Variants in C1orf167 observed in about 807,000 individuals in gnomAD.
The protein encoded by C1orf167 is uncharacterized protein C1orf167.
C1orf167 carries 153 observed loss-of-function variants against 176.5 expected under a neutral mutation model. The ratio of observed to expected loss-of-function variants is 0.87; its 90% CI spans 0.76 to 0.99. The LOEUF is 0.99. Among genes scored for constraint, C1orf167 ranks in the 50% least tolerant of loss-of-function variants. The probability of loss-of-function intolerance (pLI) is 0.00; values close to 1 mark genes in which losing one functional copy is unlikely to be tolerated. For missense variants in C1orf167, 1,490 were observed against 1,817.7 expected, an observed-to-expected ratio of 0.82 and a Z score of 3.28; for synonymous variants, 594 against 752.7, an observed-to-expected ratio of 0.79 and a Z score of 3.45.
At chr1:11,767,897 C>T (rs547880521) in intron 4 of C1orf167, among the ~76,000 whole-genome samples, 180 bp from the exon 5 acceptor site, 1 of 152,238 alleles carries the variant, frequency 6.6e-6, no homozygotes, top group Non-Finnish European at 1.5e-5. Context: ...TGTGGGGTTT[C>T]CAAGTCCAGC....
intron 13 of C1orf167, among the ~76,000 whole-genome samples, chr1:11,780,788 A>T (rs1298936842): frequency 6.6e-6 from 1 of 152,116 alleles, no homozygotes; most frequent in African/African-American, 2.4e-5. Flanking sequence ...CTCAGCGGGC[A>T]GAGCAGTGGC....
chr1:11,768,198 T>C lies in C1orf167; in HGVS notation c.1465T>C (p.Leu489=), dbSNP rs2100262328. 1 of 1,289,744 alleles carries C rather than the reference T, an allele frequency of 7.8e-7. No individual in the cohort carries two copies. Among genetic ancestry groups the C allele is most frequent in the South Asian group, 1.2e-5 (1 of 81,030 alleles). 79.9% of individuals were successfully genotyped at this position (1,289,744 alleles called of 1,614,324 possible). The part of the protein sequence containing the change: ...WQLLRKCLQA[L]WLREAQLEAA... ...GCTGTTGCGAAAGTGCCTTCAGGCC[T>C]TGTGGCTCCGGGAGGCTCAGCTGGA... Residue 489 remains leucine (L), a synonymous_variant, in exon 5 of 21, where the codon TTG becomes CTG. Coordinates refer to ENST00000688073, the MANE Select transcript of C1orf167 (RefSeq NM_001010881.2). This position sits in a 1 kb window ranked among gnomAD's most constrained non-coding sequence, Gnocchi z 4.5.
At position 11,782,336 on chromosome 1, in the gene C1orf167, G is replaced by A; in HGVS notation, c.3005+3G>A. 1 of 1,245,132 alleles carries A rather than the reference G, an allele frequency of 8.0e-7. No individual in the cohort carries two copies. The highest frequency in any genetic ancestry group is 1.4e-5 in the South Asian group (1 of 72,130). 77.1% of individuals were successfully genotyped at this position (1,245,132 alleles called of 1,614,324 possible). On this transcript the variant is annotated splice_donor_region_variant and intron_variant, in intron 14 of 20. Transcript: ENST00000688073. Reference sequence around the variant, plus strand: ...CCAGAGCAGCTGCTACTGCAGAGGTGGGTGGGCCTGGGGGTGGGAGGGTGT... The same window carrying A: ...CCAGAGCAGCTGCTACTGCAGAGGTAGGTGGGCCTGGGGGTGGGAGGGTGT...
chr1:11,779,684 GAA>G, intron 12 of C1orf167, 116 bp from the exon 13 acceptor site: 1 of 774,724 alleles, frequency 1.3e-6, no homozygotes, highest in Non-Finnish European at 1.8e-6. Flanking sequence ...AATGGAAACA[GAA>G]GAGTCACCCA....
chr1:11,788,100 C>CT, intron 18 of C1orf167, 49 bp from the exon 19 acceptor site: 1 of 1,277,838 alleles, frequency 7.8e-7, no homozygotes, highest in Admixed American at 2.4e-5. Flanking sequence ...GGGGCAAGGG[C>CT]TGAGGGGCTT....
At chr1:11,781,093 G>A (rs1643580724) in intron 13 of C1orf167, among the ~76,000 whole-genome samples, 2 of 141,932 alleles carry the variant, frequency 1.4e-5, no homozygotes, top group East Asian at 2.2e-4. Context: ...CACCCCCTGG[G>A]TTCAAGCAAT....
intron 12 of C1orf167, 198 bp from the exon 13 acceptor site, chr1:11,779,604 C>T (rs1643495898): frequency 2.9e-6 from 1 of 345,928 alleles, no homozygotes; most frequent in African/African-American, 2.1e-5. Context: ...CACCCTATCC[C>T]CACCACTCAT....
At chr1:11,785,121 G>A in intron 15 of C1orf167, 27 bp from the exon 16 acceptor site, 2 of 1,275,388 alleles carry the variant, frequency 1.6e-6, no homozygotes, top group Non-Finnish European at 2.0e-6. Context: ...TTATGGCCCT[G>A]GCTGCAGACT....
At chr1:11,776,667 G>T in intron 10 of C1orf167, 29 bp downstream of exon 10, 2 of 1,193,940 alleles carry the variant, frequency 1.7e-6, no homozygotes, top group Non-Finnish European at 2.1e-6. Flanking sequence ...GTGACCTGGG[G>T]TTGGGCCTGG....
chr1:11,770,232 A>G (rs1642987647), intron 6 of C1orf167, among the ~76,000 whole-genome samples: 1 of 151,800 alleles, frequency 6.6e-6, no homozygotes, highest in African/African-American at 2.4e-5. Flanking sequence ...CACATGGTGC[A>G]TAGAAAAAGG....
intron 13 of C1orf167, among the ~76,000 whole-genome samples, chr1:11,780,569 G>T (rs1313846481): frequency 6.6e-6 from 1 of 152,214 alleles, no homozygotes; most frequent in South Asian, 2.1e-4. Context: ...AAACAACCTA[G>T]TTAACCTCCC....
At chr1:11,783,847 T>TTTTTG (rs1643703783) in intron 14 of C1orf167, among the ~76,000 whole-genome samples, 1 of 150,948 alleles carries the variant, frequency 6.6e-6, no homozygotes, top group Non-Finnish European at 1.5e-5. Context: ...CATGCATCTG[T>TTTTTG]TTTTGTTTTG....
At position 11,785,193 on chromosome 1, in the gene C1orf167, G is replaced by A; in HGVS notation, c.3471G>A (p.Gln1157=). The change falls in exon 16 of 21, where the codon CAG becomes CAA. Residue 1157 remains glutamine, a synonymous_variant. Coordinates refer to ENST00000688073, the MANE Select transcript of C1orf167 (RefSeq NM_001010881.2). ...SVQSAVRGGV[Q]RAILTQLRPA... is the part of the protein sequence containing the mutation. ...AGTCGGCGGTGCGCGGCGGTGTCCAGCGAGCCATCCTCACCCAGCTCCGGC... is the reference window on the plus strand; with the variant it reads ...AGTCGGCGGTGCGCGGCGGTGTCCAACGAGCCATCCTCACCCAGCTCCGGC... 1.5e-6 allele frequency: 2 copies of A among 1,291,684 alleles called. No homozygotes were observed. The highest frequency in any genetic ancestry group is 2.0e-6 in the Non-Finnish European group (2 of 988,756). 80.0% of individuals were successfully genotyped at this position (1,291,684 alleles called of 1,614,324 possible).
At position 11,771,526 on chromosome 1, in the gene C1orf167, C is replaced by T. The variant is rs1214194648; in HGVS notation, c.1700C>T (p.Pro567Leu). The T allele has an allele frequency of 5.4e-6, 7 of 1,289,474 alleles. No individual in the cohort carries two copies. In the South Asian group the frequency reaches 8.6e-5, roughly 16 times the overall value. The allele number at this position is 1,289,474 out of a possible 1,614,324, so 79.9% of individuals were successfully genotyped here. The change falls in exon 7 of 21, where the codon CCA (proline) becomes CTA (leucine). Residue 567 changes from proline to leucine, a missense_variant and splice_region_variant. Physicochemically the swap from Pro to Leu is moderately conservative, Grantham distance 98 (BLOSUM62 -3). Coordinates refer to ENST00000688073, the MANE Select transcript of C1orf167 (RefSeq NM_001010881.2). ...AQRSRLEHTS[P>L]GSLREEEIAQ... ...TCTCTGGGCAACTTTGCTTTTAGTC[C>T]AGGAAGTCTGAGGGAGGAGGAGATT...
intron 1 of C1orf167, among the ~76,000 whole-genome samples, chr1:11,764,107 G>C (rs796962730): frequency 3.3e-4 from 50 of 152,300 alleles, no homozygotes; most frequent in African/African-American, 1.1e-3. Flanking sequence ...GAGAGGTCTG[G>C]GGGGCAGGAT....
Position 11,766,642 on chromosome 1 carries a change from C to A in C1orf167, c.856C>A (p.Gln286Lys). 1 of 1,288,850 alleles carries A rather than the reference C, an allele frequency of 7.8e-7. No individual in the cohort carries two copies. Among genetic ancestry groups the A allele is most frequent in the South Asian group, 1.2e-5 (1 of 80,902 alleles). 79.8% of individuals were successfully genotyped at this position (1,288,850 alleles called of 1,614,324 possible). Residue 286 changes from glutamine to lysine, a missense_variant, in exon 3 of 21, where the codon CAG (glutamine) becomes AAG (lysine). Gln to Lys is a moderately conservative substitution (Grantham distance 53). Transcript: ENST00000688073. The surrounding 1 kb of genome is among the most constrained non-coding windows in gnomAD (Gnocchi z 4.5). The stretch of plus-strand genomic sequence containing the variant: ...ATTCTCCGCCCACCCCCAGCCCAGC[C>A]AGCCTGTCCTTGCTTCCTCGGATGG... ...QPFSAHPQPS[Q>K]PVLASSDGRR...
At chr1:11,785,477 C>A (rs1643818840) in intron 16 of C1orf167, among the ~76,000 whole-genome samples, 188 bp downstream of exon 16, 1 of 152,186 alleles carries the variant, frequency 6.6e-6, no homozygotes, top group Non-Finnish European at 1.5e-5. Context: ...GGCAGCATGG[C>A]TGGATGCCTC....
At chr1:11,773,673 A>G (rs907493033) in intron 8 of C1orf167, among the ~76,000 whole-genome samples, 6 of 152,188 alleles carry the variant, frequency 3.9e-5, no homozygotes, top group Non-Finnish European at 8.8e-5. Flanking sequence ...GTGCCACTGC[A>G]CTCCAGCCTA....
chr1:11,763,979 G>T (rs1642657522), intron 1 of C1orf167, among the ~76,000 whole-genome samples: 1 of 152,220 alleles, frequency 6.6e-6, no homozygotes, highest in Admixed American at 6.5e-5. Context: ...AGAGCTGGTT[G>T]CGAGGACGGC....
Sources: allele counts gnomAD v4.1 joint callset (sites outside exome capture counted in the v4.1 genomes callset), GRCh38; gene constraint gnomAD v4.1.1; non-coding constraint Gnocchi (gnomAD v3.1); transcripts MANE v1.5; gene names NCBI Gene and HGNC (gene_info 2026-07-23, HGNC 2026-07-21).